The following CTNND2 variants were observed in gnomAD, a reference collection of about 807,000 sequenced individuals.
CTNND2 encodes catenin delta-2.
CTNND2 carries 22 observed loss-of-function variants against 144.4 expected under a neutral mutation model. The ratio of observed to expected loss-of-function variants is 0.15; its 90% CI spans 0.11 to 0.22. CTNND2 has a LOEUF of 0.22. Ranked by LOEUF, CTNND2 falls within the 10% of genes least tolerant of loss-of-function variation. The pLI, the probability that CTNND2 is intolerant of heterozygous loss-of-function variation, is 1.00. For missense variants in CTNND2, 1,353 were observed against 1,618.8 expected (o/e 0.84, Z 2.82); for synonymous variants, 751 against 695.6 (o/e 1.08, Z -1.25).
chr5:11,684,069 T>C (rs1183829088), intron 2 of CTNND2, among the ~76,000 whole-genome samples: 1 of 152,134 alleles, frequency 6.6e-6, no homozygotes, highest in Non-Finnish European at 1.5e-5. Context: ...CAGCTACTAT[T>C]AGGTTTTTTA....
intron 2 of CTNND2, among the ~76,000 whole-genome samples, chr5:11,629,380 T>C (rs940367416): frequency 1.1e-4 from 17 of 152,300 alleles, no homozygotes; most frequent in South Asian, 1.0e-3. Context: ...AGCTGTTTTC[T>C]ACAGGTGGTT....
chr5:11,302,118 T>G (rs1450668111), intron 9 of CTNND2, among the ~76,000 whole-genome samples: 1 of 152,220 alleles, frequency 6.6e-6, no homozygotes. Context: ...TTCTGGCTTT[T>G]TCTTCGTAAT....
chr5:11,435,496 G>C (rs565406016), intron 3 of CTNND2, among the ~76,000 whole-genome samples: 1 of 152,074 alleles, frequency 6.6e-6, no homozygotes, highest in East Asian at 1.9e-4. Flanking sequence ...ACAAGCCCTA[G>C]GTCTCTACTG....
intron 12 of CTNND2, among the ~76,000 whole-genome samples, chr5:11,121,702 A>T (rs1754156753): frequency 6.6e-6 from 1 of 152,016 alleles, no homozygotes. Context: ...AATCTCCATC[A>T]CTCAGTGCTC....
At chr5:11,598,795 C>A (rs1170543134) in intron 2 of CTNND2, among the ~76,000 whole-genome samples, 1 of 152,086 alleles carries the variant, frequency 6.6e-6, no homozygotes, top group Non-Finnish European at 1.5e-5. Context: ...TCATTAACAG[C>A]TGGGTCAGAA....
chr5:11,200,658 C>T (rs1219706181), intron 10 of CTNND2, among the ~76,000 whole-genome samples: 2 of 152,042 alleles, frequency 1.3e-5, no homozygotes, highest in African/African-American at 4.8e-5. Context: ...CAGCCTCTTT[C>T]TTTTCTCTTT....
chr5:11,714,912 CAAAA>C (rs1281707875), intron 2 of CTNND2, among the ~76,000 whole-genome samples: 1 of 94,844 alleles, frequency 1.1e-5, no homozygotes, highest in African/African-American at 3.8e-5. Context: ...TATTCCGTCT[CAAAA>C]AAAAAAAAAG....
At chr5:11,116,594 C>T (rs1037245262) in intron 13 of CTNND2, among the ~76,000 whole-genome samples, 68 of 152,352 alleles carry the variant, frequency 4.5e-4, no homozygotes, top group African/African-American at 1.6e-3. Context: ...CCACCCAATT[C>T]TATTCTGGCT....
intron 1 of CTNND2, among the ~76,000 whole-genome samples, chr5:11,805,131 C>T (rs1171094087): frequency 6.6e-6 from 1 of 152,048 alleles, no homozygotes; most frequent in Non-Finnish European, 1.5e-5. Flanking sequence ...TGGTTTGAGC[C>T]AGGTTTCTCA....
At chr5:11,567,999 G>T (rs1223669011) in intron 2 of CTNND2, among the ~76,000 whole-genome samples, 1 of 152,148 alleles carries the variant, frequency 6.6e-6, no homozygotes, top group African/African-American at 2.4e-5. Flanking sequence ...AGATTTGTTA[G>T]GGGGAGCAGA....
At chr5:11,206,793 T>C (rs1449171882) in intron 10 of CTNND2, among the ~76,000 whole-genome samples, 1 of 152,190 alleles carries the variant, frequency 6.6e-6, no homozygotes, top group Non-Finnish European at 1.5e-5. Context: ...TTTCCCTGAA[T>C]AACTTCATAA....
At position 11,205,222 on chromosome 5, in the gene CTNND2, T is replaced by C. The variant is rs565779156; in HGVS notation, c.1762-5561A>G. On this transcript the variant is annotated intron_variant, in intron 10 of 21. Transcript: ENST00000304623. ...CATATCATATATACACACATACACATATATAGTATACACACACACACAAAC... is the reference window on the plus strand; with the variant it reads ...CATATCATATATACACACATACACACATATAGTATACACACACACACAAAC... Among the ~76,000 whole-genome samples, 13 of 152,174 alleles carry C rather than the reference T, an allele frequency of 8.5e-5. No homozygotes were observed. The South Asian group carries it at 1.2e-3, about 15-fold the overall frequency.
At chr5:11,830,781 C>G (rs1245361510) in intron 1 of CTNND2, among the ~76,000 whole-genome samples, 2 of 152,278 alleles carry the variant, frequency 1.3e-5, no homozygotes, top group East Asian at 3.9e-4. Flanking sequence ...ACCCGGACTC[C>G]TTACGCACCT....
At chr5:11,181,100 C>A (rs913288156) in intron 11 of CTNND2, among the ~76,000 whole-genome samples, 1 of 152,132 alleles carries the variant, frequency 6.6e-6, no homozygotes, top group African/African-American at 2.4e-5. Context: ...TGAATGCAAA[C>A]CAGCCAGCGG....
chr5:11,474,882 C>T (rs577784135), intron 3 of CTNND2, among the ~76,000 whole-genome samples: 2 of 152,224 alleles, frequency 1.3e-5, no homozygotes, highest in East Asian at 1.9e-4. Context: ...TCTAAGCACC[C>T]GCCCTATGTA....
intron 3 of CTNND2, among the ~76,000 whole-genome samples, chr5:11,473,564 T>C (rs1455656768): frequency 6.6e-6 from 1 of 152,168 alleles, no homozygotes; most frequent in Non-Finnish European, 1.5e-5. Context: ...GAGAAGTCAC[T>C]GAAACACTCA....
At chr5:11,774,490 T>C (rs1313409813) in intron 1 of CTNND2, among the ~76,000 whole-genome samples, 4 of 144,730 alleles carry the variant, frequency 2.8e-5, no homozygotes, top group Non-Finnish European at 4.5e-5. Context: ...GCATGGCACA[T>C]GTATACATAT....
chr5:11,708,474 G>C (rs182805982), intron 2 of CTNND2, among the ~76,000 whole-genome samples: 7 of 152,218 alleles, frequency 4.6e-5, no homozygotes, highest in Non-Finnish European at 1.5e-5. Flanking sequence ...GTAGTTCTAC[G>C]AATTATAATA....
At chr5:11,499,895 G>T (rs180759376) in intron 3 of CTNND2, among the ~76,000 whole-genome samples, 1 of 152,022 alleles carries the variant, frequency 6.6e-6, no homozygotes, top group Admixed American at 6.5e-5. Flanking sequence ...CCACATTCTG[G>T]GTTTGCCAAT....
Sources: gnomAD v4.1 joint callset for allele counts (sites outside exome capture counted in the v4.1 genomes callset) on GRCh38, gnomAD v4.1.1 for gene constraint, MANE v1.5 for transcripts, NCBI Gene and HGNC (gene_info 2026-07-23, HGNC 2026-07-21) for gene names.